MICU3: variants seen among roughly 807,000 people sequenced by gnomAD.
The protein encoded by MICU3 is calcium uptake protein 3, mitochondrial.
Under a neutral mutation model 66.5 loss-of-function variants are expected in MICU3, and 62 were observed. The ratio of observed to expected loss-of-function variants is 0.93; its 90% CI spans 0.76 to 1.15. MICU3 has a LOEUF of 1.15. Among genes scored for constraint, MICU3 ranks in the 50% most tolerant of loss-of-function variants. The pLI, the probability that MICU3 is intolerant of heterozygous loss-of-function variation, is 0.00. For missense variants in MICU3, 779 were observed against 664.4 expected (o/e 1.17, Z -1.90); for synonymous variants, 308 against 240.7 (o/e 1.28, Z -2.59).
At chr8:17,056,362 G>A (rs1816931374) in intron 1 of MICU3, among the ~76,000 whole-genome samples, 1 of 152,306 alleles carries the variant, frequency 6.6e-6, no homozygotes, top group Admixed American at 6.5e-5. Context: ...TGTGCCAAAT[G>A]AATCATATGC....
intron 5 of MICU3, 56 bp downstream of exon 5, chr8:17,081,796 T>G (rs1249764715): frequency 1.3e-6 from 1 of 786,672 alleles, no homozygotes; most frequent in Non-Finnish European, 2.1e-6. Context: ...TAAACGAATC[T>G]TGGAAAGCAG....
intron 9 of MICU3, among the ~76,000 whole-genome samples, chr8:17,101,140 T>G (rs1801220105): frequency 6.6e-6 from 1 of 151,866 alleles, no homozygotes; most frequent in South Asian, 2.1e-4. Flanking sequence ...AAGTTTATTT[T>G]TGATGAAATC....
intron 9 of MICU3, among the ~76,000 whole-genome samples, chr8:17,099,362 A>G (rs1357564531): frequency 6.6e-6 from 1 of 151,690 alleles, no homozygotes; most frequent in Admixed American, 6.6e-5. Flanking sequence ...TTCTTTTTCT[A>G]AACTTTAAAT....
intron 1 of MICU3, among the ~76,000 whole-genome samples, chr8:17,038,860 G>A (rs1247535723): frequency 1.3e-5 from 2 of 151,878 alleles, no homozygotes. Flanking sequence ...GGCTGAGGCA[G>A]GAGAATGGCT....
At chr8:17,094,520 A>G (rs375220493) in intron 8 of MICU3, among the ~76,000 whole-genome samples, 2 of 152,154 alleles carry the variant, frequency 1.3e-5, no homozygotes, top group Non-Finnish European at 2.9e-5. Flanking sequence ...TTTAATGTCT[A>G]GCTTACTAGA....
At chr8:17,038,338 A>C (rs576704692) in intron 1 of MICU3, among the ~76,000 whole-genome samples, 1 of 152,154 alleles carries the variant, frequency 6.6e-6, no homozygotes, top group Non-Finnish European at 1.5e-5. Flanking sequence ...TAAGTCTCAC[A>C]AGATCTGATG....
At chr8:17,049,374 T>C (rs572311070) in intron 1 of MICU3, among the ~76,000 whole-genome samples, 23 of 152,254 alleles carry the variant, frequency 1.5e-4, no homozygotes, top group African/African-American at 5.1e-4. Context: ...TGCCTGGAGT[T>C]GAGTAGCCAA....
intron 12 of MICU3, among the ~76,000 whole-genome samples, chr8:17,115,145 C>T (rs1042537715): frequency 3.3e-5 from 5 of 150,916 alleles, no homozygotes; most frequent in African/African-American, 1.2e-4. Flanking sequence ...CCCCAGAGGA[C>T]AGGCTATTAT....
chr8:17,118,049 T>A (rs1290787434), intron 13 of MICU3, among the ~76,000 whole-genome samples: 1 of 152,218 alleles, frequency 6.6e-6, no homozygotes, highest in Non-Finnish European at 1.5e-5. Flanking sequence ...TGCCACCTGG[T>A]GGTTAGTTGT....
intron 8 of MICU3, among the ~76,000 whole-genome samples, chr8:17,092,689 A>G (rs1800203473): frequency 6.6e-6 from 1 of 152,072 alleles, no homozygotes; most frequent in Non-Finnish European, 1.5e-5. Flanking sequence ...TATTATTTTC[A>G]TAAACTACAA....
chr8:17,033,900 T>C (rs1416215230), intron 1 of MICU3, among the ~76,000 whole-genome samples: 3 of 152,122 alleles, frequency 2.0e-5, no homozygotes, highest in African/African-American at 7.2e-5. Context: ...TAGCAGGTGA[T>C]CCAGAAGATC....
chr8:17,091,207 G>T (rs147724111), intron 8 of MICU3, among the ~76,000 whole-genome samples: 2 of 152,034 alleles, frequency 1.3e-5, no homozygotes, highest in South Asian at 2.1e-4. Flanking sequence ...TGAACTTCCA[G>T]TTGTACCCTT....
chr8:17,040,697 G>C (rs1813921621), intron 1 of MICU3, among the ~76,000 whole-genome samples: 2 of 152,114 alleles, frequency 1.3e-5, no homozygotes, highest in African/African-American at 4.8e-5. Flanking sequence ...TTAGTGGCTG[G>C]TCAAATGCTT....
At chr8:17,057,563 A>G (rs537120578) in intron 1 of MICU3, among the ~76,000 whole-genome samples, 5 of 152,324 alleles carry the variant, frequency 3.3e-5, no homozygotes, top group Middle Eastern at 3.4e-3. Context: ...TACAATTAAT[A>G]TAAGTTATAA....
At chr8:17,078,801 T>C (rs1820759311) in intron 4 of MICU3, among the ~76,000 whole-genome samples, 1 of 152,096 alleles carries the variant, frequency 6.6e-6, no homozygotes, top group African/African-American at 2.4e-5. Context: ...TCTTTTATTG[T>C]AGGTGTTTCA....
rs748490146 is a variant in MICU3, at chr8:17,114,166, A to G, written c.1331A>G (p.Asn444Ser). Residue 444 changes from asparagine to serine, a missense_variant, in exon 12 of 15, where the codon AAT becomes AGT. Coordinates refer to ENST00000318063, the MANE Select transcript of MICU3 (RefSeq NM_181723.3). ...CTAGAAGACTTTGCAATAGCCCTGA[A>G]TATGTATAACTTTGCAAGTCGTTCT... ...NNLEDFAIALNMYNFASRSIG... is the reference protein window; with the variant it reads ...NNLEDFAIALSMYNFASRSIG... 1 of 1,612,048 alleles carries G rather than the reference A, an allele frequency of 6.2e-7. No individual in the cohort carries two copies. The highest frequency in any genetic ancestry group is 1.1e-5 in the South Asian group (1 of 90,512).
intron 1 of MICU3, among the ~76,000 whole-genome samples, chr8:17,031,447 A>G (rs1812056960): frequency 6.6e-6 from 1 of 151,370 alleles, no homozygotes; most frequent in Non-Finnish European, 1.5e-5. Context: ...CACCATGACC[A>G]GCTAATTTTT....
At chr8:17,051,078 C>G (rs902901593) in intron 1 of MICU3, among the ~76,000 whole-genome samples, 1 of 152,070 alleles carries the variant, frequency 6.6e-6, no homozygotes, top group African/African-American at 2.4e-5. Flanking sequence ...ACATCTGAAA[C>G]TTGAGGAAAA....
In MICU3 at chr8:17,105,471, G is replaced by T; in HGVS notation, c.1144G>T (p.Gly382Ter). 2 of 1,575,734 alleles carry T rather than the reference G, an allele frequency of 1.3e-6. No individual in the cohort carries two copies. Among genetic ancestry groups the T allele is most frequent in the Non-Finnish European group, 1.7e-6 (2 of 1,157,160 alleles). ...LEIEFLSYSN[G>*]MNTISEEDFA... The stretch of plus-strand genomic sequence containing the variant: ...AATAGAATTCCTTTCCTACTCAAAT[G>T]GAATGAATACCATCAGTGAAGAAGA... The change falls in exon 11 of 15, where the codon GGA becomes TGA. Residue 382 changes from glycine to a stop codon, truncating the protein, a stop_gained. Coordinates refer to ENST00000318063, the MANE Select transcript of MICU3 (RefSeq NM_181723.3). LOFTEE classifies it high-confidence loss of function.
Sources: allele counts gnomAD v4.1 joint callset (sites outside exome capture counted in the v4.1 genomes callset), GRCh38; gene constraint gnomAD v4.1.1; transcripts MANE v1.5; gene names NCBI Gene and HGNC (gene_info 2026-07-23, HGNC 2026-07-21).